The following CS variants were observed in gnomAD, a reference collection of about 807,000 sequenced individuals.
CS encodes the protein citrate synthase.
A neutral mutation model predicts 61.4 loss-of-function variants in CS; 13 were observed. The observed-to-expected ratio is 0.21, with a 90% confidence interval of 0.14 to 0.34. CS has a LOEUF of 0.34. Ranked by LOEUF, CS falls within the 10% of genes least tolerant of loss-of-function variation. The pLI, the probability that CS is intolerant of heterozygous loss-of-function variation, is 1.00. For synonymous variants in CS, 159 were observed against 215.2 expected (o/e 0.74, Z 2.29); for missense variants, 278 against 573.4 (o/e 0.48, Z 5.26).
chr12:56,283,086 G>C, intron 4 of CS, 95 bp from the exon 5 acceptor site: 1 of 1,368,666 alleles, frequency 7.3e-7, no homozygotes, highest in Non-Finnish European at 1.0e-6. Context: ...AGTTAGAGTA[G>C]AACTTTTTAT....
At chr12:56,274,195 C>T (rs1872575776) in intron 9 of CS, 1 of 226,484 alleles carries the variant, frequency 4.4e-6, no homozygotes, top group Non-Finnish European at 8.9e-6. Flanking sequence ...GTGGCGCATG[C>T]CTGTAATCCC....
At chr12:56,279,827 G>A (rs1396426947) in intron 6 of CS, among the ~76,000 whole-genome samples, 1 of 151,190 alleles carries the variant, frequency 6.6e-6, no homozygotes, top group African/African-American at 2.4e-5. Context: ...AATTAGCCAG[G>A]CGTGGTGGTG....
intron 6 of CS, among the ~76,000 whole-genome samples, chr12:56,277,119 G>T (rs1260743868): frequency 6.6e-6 from 1 of 151,110 alleles, no homozygotes; most frequent in African/African-American, 2.4e-5. Flanking sequence ...CAGGAGAATT[G>T]CTTGAACCCG....
At chr12:56,290,003 C>T (rs1435486308) in intron 1 of CS, among the ~76,000 whole-genome samples, 1 of 152,074 alleles carries the variant, frequency 6.6e-6, no homozygotes, top group Non-Finnish European at 1.5e-5. Flanking sequence ...AAGCGATTCT[C>T]CTGCCTCAGC....
rs762717610 is a variant in CS at position 56,271,842 on chromosome 12, G to A, written c.*1242C>T. The A allele has an allele frequency of 2.2e-6, 1 of 456,296 alleles. No homozygotes were observed. The highest frequency in any genetic ancestry group is 1.5e-5 in the South Asian group (1 of 64,524). The allele number at this position is 456,296 out of a possible 1,614,324, so 28.3% of individuals were successfully genotyped here. A position where few individuals can be genotyped will look rare whatever the true frequency, so the allele number is the denominator to read the frequency against. ...CTGGGTATCCACACAAACACAGGCA[G>A]GAGTTTGGAGGAAAGATGGGGGCAC... On this transcript the variant is annotated 3_prime_UTR_variant, in exon 11 of 11. Transcript: ENST00000351328.
chr12:56,274,924 A>G (rs777673868), intron 8 of CS, 46 bp from the exon 9 acceptor site: 4 of 1,607,854 alleles, frequency 2.5e-6, no homozygotes, highest in Non-Finnish European at 2.6e-6. Flanking sequence ...TACATATGCC[A>G]GAAGAGAATG....
intron 1 of CS, 176 bp downstream of exon 1, chr12:56,299,984 G>C (rs1873433124): frequency 1.7e-6 from 1 of 588,386 alleles, no homozygotes; most frequent in Non-Finnish European, 2.9e-6. Context: ...GGAGCCAGAA[G>C]GGAAGCGCGG....
intron 1 of CS, among the ~76,000 whole-genome samples, chr12:56,290,685 T>G (rs1267166332): frequency 2.2e-5 from 3 of 137,714 alleles, no homozygotes; most frequent in Non-Finnish European, 4.8e-5. Context: ...TCTAATGATG[T>G]AGAGTACAGA....
chr12:56,282,396 G>A (rs753429392), intron 6 of CS, 24 bp downstream of exon 6: 44 of 1,547,646 alleles, frequency 2.8e-5, no homozygotes, highest in East Asian at 1.4e-4. Context: ...ATCACACACC[G>A]ATCACCCCAC....
chr12:56,296,381 T>C (rs1873306753), intron 1 of CS, among the ~76,000 whole-genome samples: 1 of 151,912 alleles, frequency 6.6e-6, no homozygotes, highest in South Asian at 2.1e-4. Context: ...GCCCATGAGG[T>C]TGAGGCTGTA....
In CS at chr12:56,283,915, G is replaced by C. The variant is rs1176428702; in HGVS notation, c.202-58C>G. On this transcript the variant is annotated intron_variant, in intron 3 of 10. Coordinates refer to ENST00000351328, the MANE Select transcript of CS (RefSeq NM_004077.3). Reference sequence around the variant, plus strand: ...AGAGGCTGTGGCCAGTAATCAGAATGATTCAGACTAGAACTTGTTAGAGCT... The same window carrying C: ...AGAGGCTGTGGCCAGTAATCAGAATCATTCAGACTAGAACTTGTTAGAGCT... 7 of 1,293,782 alleles carry C rather than the reference G, an allele frequency of 5.4e-6. No individual in the cohort carries two copies. The African/African-American group carries it at 1.0e-4, about 19-fold the overall frequency. 80.1% of individuals were successfully genotyped at this position (1,293,782 alleles called of 1,614,324 possible).
chr12:56,281,885 G>C (rs969939856), intron 6 of CS, among the ~76,000 whole-genome samples: 1 of 151,966 alleles, frequency 6.6e-6, no homozygotes, highest in Non-Finnish European at 1.5e-5. Flanking sequence ...TTTAGATGGA[G>C]TCTCACTCTG....
intron 9 of CS, 114 bp from the exon 10 acceptor site, chr12:56,273,910 G>A (rs1171511866): frequency 2.3e-6 from 2 of 876,504 alleles, no homozygotes; most frequent in African/African-American, 1.7e-5. Flanking sequence ...CACATCTCAC[G>A]GCAGCCTCGA....
intron 6 of CS, among the ~76,000 whole-genome samples, chr12:56,277,478 GAC>G (rs1872656283): frequency 6.6e-6 from 1 of 150,570 alleles, no homozygotes; most frequent in Non-Finnish European, 1.5e-5. Flanking sequence ...CAGCCTGGGC[GAC>G]AGAGTGAGAC....
chr12:56,280,765 C>A (rs1409704398), intron 6 of CS, among the ~76,000 whole-genome samples: 1 of 151,890 alleles, frequency 6.6e-6, no homozygotes, highest in Non-Finnish European at 1.5e-5. Flanking sequence ...GATTATATGA[C>A]CTTTTGTACC....
chr12:56,283,889 A>AT lies in CS; in HGVS notation c.202-33_202-32insA, dbSNP rs578252999. ...AGGATGAAGAAAGAAGGAAAAAAAA[A>AT]AGAGGCTGTGGCCAGTAATCAGAAT... is the stretch of plus-strand genomic sequence containing the variant. On this transcript the variant is annotated intron_variant, in intron 3 of 10. Transcript: ENST00000351328. The AT allele has an allele frequency of 5.9e-4, 906 of 1,540,190 alleles. 14 individuals carry two copies. In the South Asian group the frequency reaches 9.9e-3, roughly 17 times the overall value.
intron 1 of CS, among the ~76,000 whole-genome samples, chr12:56,287,938 G>A (rs893301752): frequency 7.2e-5 from 11 of 152,136 alleles, no homozygotes; most frequent in East Asian, 3.8e-4. Context: ...GATTACAGGC[G>A]TAAGCCACCA....
chr12:56,273,430 G>C, intron 10 of CS, 157 bp downstream of exon 10: 5 of 985,386 alleles, frequency 5.1e-6, no homozygotes, highest in Non-Finnish European at 7.5e-6. Context: ...TCTGAAAACA[G>C]AGCAACCCCA....
chr12:56,290,173 G>A (rs11171792), intron 1 of CS, among the ~76,000 whole-genome samples: 4,387 of 152,126 alleles, frequency 0.029, 433 homozygotes, highest in East Asian at 0.28. Flanking sequence ...TGGGATTACA[G>A]GTATGAGCCA....
Sources: gnomAD v4.1 joint callset for allele counts (sites outside exome capture counted in the v4.1 genomes callset) on GRCh38, gnomAD v4.1.1 for gene constraint, MANE v1.5 for transcripts, NCBI Gene and HGNC (gene_info 2026-07-23, HGNC 2026-07-21) for gene names.